The following RAPGEF6 variants were observed in gnomAD, a reference collection of about 807,000 sequenced individuals.
RAPGEF6 encodes the protein Rap guanine nucleotide exchange factor 6, also known as PDZ domain containing guanine nucleotide exchange factor (GEF) 2.
RAPGEF6 carries 56 observed loss-of-function variants against 171.4 expected under a neutral mutation model. The observed-to-expected ratio is 0.33, with a 90% CI of 0.26 to 0.41. The LOEUF is 0.41. Ranked by LOEUF, RAPGEF6 falls within the 10% of genes least tolerant of loss-of-function variation. The pLI, the probability that RAPGEF6 is intolerant of heterozygous loss-of-function variation, is 1.00. For synonymous variants in RAPGEF6, 692 were observed against 650.1 expected (o/e 1.06, Z -0.98); for missense variants, 1,674 against 1,921.4 (o/e 0.87, Z 2.41).
intron 1 of RAPGEF6, among the ~76,000 whole-genome samples, chr5:131,610,882 C>T (rs554408990): frequency 6.6e-6 from 1 of 152,276 alleles, no homozygotes; most frequent in Admixed American, 6.5e-5. Flanking sequence ...TGAAAATATG[C>T]CTCTCAGATT....
Position 131,526,730 on chromosome 5 carries a change from C to T in RAPGEF6, c.496-5209G>A, listed in dbSNP as rs115457944. On this transcript the variant is annotated intron_variant, in intron 6 of 27. Transcript: ENST00000509018. ...AAACTCAATTCATTTACCCCATTGT[C>T]CTTCCAGCCCACCAGGTCTGACAAA... is the stretch of plus-strand genomic sequence containing the variant. Among the ~76,000 whole-genome samples the T allele has an allele frequency of 7.2e-3, 1,096 of 152,238 alleles. 7 individuals carry two copies. The highest frequency in any genetic ancestry group is 0.024 in the African/African-American group (1,015 of 41,524).
intron 5 of RAPGEF6, among the ~76,000 whole-genome samples, chr5:131,553,139 G>C (rs997142380): frequency 1.3e-5 from 2 of 152,202 alleles, no homozygotes; most frequent in Admixed American, 1.3e-4. Flanking sequence ...TTGGAGGAGA[G>C]ATGAGAACAT....
chr5:131,505,665 C>A (rs1177311794), intron 9 of RAPGEF6, 143 bp from the exon 10 acceptor site: 2 of 701,616 alleles, frequency 2.9e-6, no homozygotes, highest in Non-Finnish European at 2.3e-6. Context: ...CTCTGTAACA[C>A]CCTATGCTTT....
intron 21 of RAPGEF6, among the ~76,000 whole-genome samples, chr5:131,451,118 C>T (rs529880051): frequency 2.6e-5 from 4 of 152,320 alleles, no homozygotes; most frequent in African/African-American, 7.2e-5. Context: ...CTAGTTCTTA[C>T]TATTTTCTGC....
intron 12 of RAPGEF6, among the ~76,000 whole-genome samples, chr5:131,497,021 G>T (rs903733683): frequency 2.0e-5 from 3 of 152,106 alleles, no homozygotes; most frequent in Admixed American, 2.0e-4. Context: ...CCATACCGTT[G>T]GCAATGTTTG....
At chr5:131,596,313 T>C (rs1249661855) in intron 3 of RAPGEF6, among the ~76,000 whole-genome samples, 2 of 149,192 alleles carry the variant, frequency 1.3e-5, no homozygotes, top group Non-Finnish European at 3.0e-5. Context: ...AACAGGAAGA[T>C]ATAACAATTA....
rs1751551059 is a variant in RAPGEF6 at position 131,429,194 on chromosome 5, C to T, written c.4488G>A (p.Lys1496=). 1.2e-6 allele frequency: 2 copies of T among 1,610,936 alleles called. No individual in the cohort carries two copies. Among genetic ancestry groups the T allele is most frequent in the Admixed American group, 1.7e-5 (1 of 59,936 alleles). Residue 1496 remains lysine (K), a synonymous_variant, in exon 27 of 28, where the codon AAG becomes AAA. Coordinates refer to ENST00000509018, the MANE Select transcript of RAPGEF6 (RefSeq NM_016340.6). ...GLIVYCVTSP[K]KDDRYREPPP... Reference sequence around the variant, plus strand: ...GTGGCTCCCTATACCTATCGTCCTTCTTGGGTGAGGTGACACAGTACACTG... The same window carrying T: ...GTGGCTCCCTATACCTATCGTCCTTTTTGGGTGAGGTGACACAGTACACTG...
Position 131,436,172 on chromosome 5 carries a change from G to A in RAPGEF6, c.3746-2514C>T, listed in dbSNP as rs761154114. On this transcript the variant is annotated intron_variant, in intron 24 of 27. Coordinates refer to ENST00000509018, the MANE Select transcript of RAPGEF6 (RefSeq NM_016340.6). Reference sequence around the variant, plus strand: ...TCCCTTGAAAGCATTCTTTCCCTAAGTCTTCTAAACGGGGATGTCATTCTT... The same window carrying A: ...TCCCTTGAAAGCATTCTTTCCCTAAATCTTCTAAACGGGGATGTCATTCTT... 48 of 1,536,944 alleles carry A rather than the reference G, an allele frequency of 3.1e-5. 1 individual carries two copies. In the South Asian group the frequency reaches 5.6e-4, roughly 18 times the overall value.
intron 8 of RAPGEF6, 90 bp from the exon 9 acceptor site, chr5:131,508,297 C>G (rs1346454574): frequency 8.0e-7 from 1 of 1,249,782 alleles, no homozygotes; most frequent in Non-Finnish European, 1.1e-6. Context: ...CCCAATTTCA[C>G]AATCAACTTA....
intron 5 of RAPGEF6, among the ~76,000 whole-genome samples, chr5:131,549,351 C>T (rs1416262186): frequency 6.6e-6 from 1 of 152,068 alleles, no homozygotes; most frequent in Admixed American, 6.5e-5. Flanking sequence ...TTCCTAGGCA[C>T]CCACCCAAAC....
At chr5:131,456,087 T>C (rs1486782514) in intron 19 of RAPGEF6, 75 bp from the exon 20 acceptor site, 1 of 1,001,180 alleles carries the variant, frequency 1.0e-6, no homozygotes, top group African/African-American at 1.6e-5. Context: ...ATATACACCA[T>C]TTTCTCTAAT....
At chr5:131,579,420 TGCTGATTGGTCCATTTTACAGAGA>T in intron 4 of RAPGEF6, among the ~76,000 whole-genome samples, 1 of 152,350 alleles carries the variant, frequency 6.6e-6, no homozygotes, top group Non-Finnish European at 1.5e-5. Flanking sequence ...ACCCACATCC[TGCTGATTGGTCCATTTTACAGAGA>T]GCTGATTAGT....
intron 23 of RAPGEF6, 119 bp from the exon 24 acceptor site, chr5:131,439,834 T>C: frequency 4.2e-6 from 6 of 1,443,078 alleles, no homozygotes; most frequent in Non-Finnish European, 4.6e-6. Context: ...TCAACTGAAA[T>C]GTGTAAATGA....
chr5:131,499,470 A>T (rs985112964), intron 11 of RAPGEF6, among the ~76,000 whole-genome samples: 1 of 150,902 alleles, frequency 6.6e-6, no homozygotes, highest in Non-Finnish European at 1.5e-5. Flanking sequence ...AATCCCAGCT[A>T]CTCAGGAGGG....
rs752462185 is a variant in RAPGEF6, at chr5:131,562,051, T to C, written c.282-4A>G. 1.3e-6 allele frequency: 2 copies of C among 1,558,114 alleles called. No homozygotes were observed. The highest frequency in any genetic ancestry group is 8.7e-7 in the Non-Finnish European group (1 of 1,150,302). ...TCCTCCAAACTGCTTACCAAAACTA[T>C]AAAAACAGAAAAACAATTTCTTTAG... is the stretch of plus-strand genomic sequence containing the variant. On this transcript the variant is annotated splice_region_variant and splice_polypyrimidine_tract_variant and intron_variant, in intron 4 of 27. Coordinates refer to ENST00000509018, the MANE Select transcript of RAPGEF6 (RefSeq NM_016340.6).
Position 131,512,319 on chromosome 5 carries a change from T to G in RAPGEF6, c.628-1828A>C, listed in dbSNP as rs143979102. Among the ~76,000 whole-genome samples, 925 of 151,780 alleles carry G rather than the reference T, an allele frequency of 6.1e-3. 5 individuals are homozygous for G. The highest frequency in any genetic ancestry group is 0.021 in the African/African-American group (859 of 41,376). On this transcript the variant is annotated intron_variant, in intron 7 of 27. Coordinates refer to ENST00000509018, the MANE Select transcript of RAPGEF6 (RefSeq NM_016340.6). ...CAGGTACCCTGAGGCTAGAGTTGCC[T>G]CTGCTTTCTCTGGTGGTCAATAAAC...
At chr5:131,578,322 G>A (rs911233152) in intron 4 of RAPGEF6, among the ~76,000 whole-genome samples, 8 of 152,072 alleles carry the variant, frequency 5.3e-5, no homozygotes, top group Admixed American at 4.6e-4. Context: ...CTCTAGCAAA[G>A]AATTGTTGGC....
intron 1 of RAPGEF6, among the ~76,000 whole-genome samples, chr5:131,612,089 A>G (rs1013759246): frequency 2.6e-5 from 4 of 152,152 alleles, no homozygotes; most frequent in African/African-American, 9.6e-5. Context: ...GGCTGAGTGC[A>G]GTGACGGCAA....
At chr5:131,549,884 A>G (rs547561473) in intron 5 of RAPGEF6, among the ~76,000 whole-genome samples, 1 of 151,982 alleles carries the variant, frequency 6.6e-6, no homozygotes, top group Non-Finnish European at 1.5e-5. Flanking sequence ...CCTCCACCAA[A>G]ATGCCCCAGT....
Sources: gnomAD v4.1 joint callset for allele counts (sites outside exome capture counted in the v4.1 genomes callset) on GRCh38, gnomAD v4.1.1 for gene constraint, MANE v1.5 for transcripts, NCBI Gene and HGNC (gene_info 2026-07-23, HGNC 2026-07-21) for gene names.